Variants in PRKN observed in about 807,000 individuals in gnomAD.
PRKN encodes E3 ubiquitin-protein ligase parkin.
In PRKN, 56 loss-of-function variants were observed where a neutral mutation model predicts 59.5. The ratio of observed to expected loss-of-function variants is 0.94; its 90% CI spans 0.76 to 1.18. The LOEUF (loss-of-function observed/expected upper bound fraction) is 1.18. Ranked by LOEUF, PRKN falls within the 50% of genes most tolerant of loss-of-function variation. The probability of loss-of-function intolerance (pLI) is 0.00; values close to 1 mark genes in which losing one functional copy is unlikely to be tolerated. For missense variants in PRKN, 657 were observed against 596.4 expected (o/e 1.10, Z -1.06); for synonymous variants, 250 against 222.1 (o/e 1.13, Z -1.12).
rs1483643288 is a variant in PRKN at position 161,419,552 on chromosome 6, T to C, written c.1084-32675A>G. 6.6e-6 allele frequency among the ~76,000 whole-genome samples: 1 copy of C among 150,424 alleles called. No individual in the cohort carries two copies. Among genetic ancestry groups the C allele is most frequent in the African/African-American group, 2.4e-5 (1 of 40,842 alleles). On this transcript the variant is annotated intron_variant, in intron 9 of 11. Transcript: ENST00000366898. This position sits in a 1 kb window ranked among gnomAD's most constrained non-coding sequence, Gnocchi z 4.1. Reference sequence around the variant, plus strand: ...ACAGGTACACGCCACTGCGCCTGGCTAATTTTTGTATTTTTTTAAAAAACG... The same window carrying C: ...ACAGGTACACGCCACTGCGCCTGGCCAATTTTTGTATTTTTTTAAAAAACG...
At chr6:161,690,958 A>AATCCATCC (rs35211075) in intron 7 of PRKN, among the ~76,000 whole-genome samples, 11,061 of 145,736 alleles carry the variant, frequency 0.076, 565 homozygotes, top group East Asian at 0.22. Context: ...TCGATTGAAC[A>AATCCATCC]ATCCATCCAT....
chr6:161,573,757 TATATATATA>T lies in PRKN; in HGVS notation c.872-4350_872-4342del, dbSNP rs1298818000. Reference sequence around the variant, plus strand: ...AAAAAAAAAAAAAAAAAAAAAAAAATATATATATATATATATATATATATATATATATAT... The same window carrying T: ...AAAAAAAAAAAAAAAAAAAAAAAAATTATATATATATATATATATATATAT... On this transcript the variant is annotated intron_variant, in intron 7 of 11. Coordinates refer to ENST00000366898, the MANE Select transcript of PRKN (RefSeq NM_004562.3). Among the ~76,000 whole-genome samples, 280 of 44,940 alleles carry T rather than the reference TATATATATA, an allele frequency of 6.2e-3. 5 individuals are homozygous for T. The highest frequency in any genetic ancestry group is 9.0e-3 in the Non-Finnish European group (233 of 25,840). 29.5% of individuals were successfully genotyped at this position (44,940 alleles called of 152,430 possible).
intron 6 of PRKN, among the ~76,000 whole-genome samples, chr6:161,867,986 C>T (rs916104931): frequency 1.3e-5 from 2 of 151,824 alleles, no homozygotes; most frequent in African/African-American, 4.8e-5. Flanking sequence ...GTCTTGAACT[C>T]CTGACCTCAG....
intron 9 of PRKN, among the ~76,000 whole-genome samples, chr6:161,436,324 A>AGGGGGCG (rs1313092695): frequency 3.1e-5 from 2 of 64,574 alleles, no homozygotes; most frequent in African/African-American, 5.2e-5. Flanking sequence ...GGCAGAGAGG[A>AGGGGGCG]GGAGGCGGGA....
rs1483804037 is a variant in PRKN at position 161,959,710 on chromosome 6, A to G, written c.734+13592T>C. On this transcript the variant is annotated intron_variant, in intron 6 of 11. Transcript: ENST00000366898. ...AATGAATAAATGCCTCGTTTCTAAA[A>G]ATAACTATTTATGACATATATTTCC... Among the ~76,000 whole-genome samples, 2 of 152,194 alleles carry G rather than the reference A, an allele frequency of 1.3e-5. 1 individual carries two copies. Among genetic ancestry groups the G allele is most frequent in the Non-Finnish European group, 2.9e-5 (2 of 68,034 alleles).
chr6:161,547,382 T>C lies in PRKN; in HGVS notation c.1083+1472A>G, dbSNP rs1779833538. Among the ~76,000 whole-genome samples, 1 of 152,222 alleles carries C rather than the reference T, an allele frequency of 6.6e-6. No individual in the cohort carries two copies. The highest frequency in any genetic ancestry group is 2.4e-5 in the African/African-American group (1 of 41,450). ...TGATTTGCAGCTTAAGTATGTATGTTATTTACTTATAATTTACTTGTATAA... is the reference window on the plus strand; with the variant it reads ...TGATTTGCAGCTTAAGTATGTATGTCATTTACTTATAATTTACTTGTATAA... On this transcript the variant is annotated intron_variant, in intron 9 of 11. Transcript: ENST00000366898. The surrounding 1 kb of genome is among the most constrained non-coding windows in gnomAD (Gnocchi z 4.0).
At chr6:162,470,691 G>A (rs1247260438) in intron 1 of PRKN, among the ~76,000 whole-genome samples, 3 of 152,168 alleles carry the variant, frequency 2.0e-5, no homozygotes, top group Non-Finnish European at 2.9e-5. Flanking sequence ...GATACTTGGT[G>A]CTAGTTTGAG....
chr6:162,638,737 CCCTTT>C (rs1777845594), intron 1 of PRKN, among the ~76,000 whole-genome samples: 1 of 114,548 alleles, frequency 8.7e-6, no homozygotes, highest in South Asian at 2.8e-4. Flanking sequence ...TGCTAACTAT[CCCTTT>C]TTTTTTTTTT....
At position 161,518,195 on chromosome 6, in the gene PRKN, C is replaced by T. The variant is rs982974888; in HGVS notation, c.1083+30659G>A. On this transcript the variant is annotated intron_variant, in intron 9 of 11. Transcript: ENST00000366898. This position sits in a 1 kb window ranked among gnomAD's most constrained non-coding sequence, Gnocchi z 5.0. ...GGACAGTGACTCCACACCATGGGGC[C>T]GGGGAGGTGGCAACATAGGTGCATG... is the stretch of plus-strand genomic sequence containing the variant. Among the ~76,000 whole-genome samples the T allele has an allele frequency of 2.0e-5, 3 of 152,136 alleles. No individual in the cohort carries two copies. Among genetic ancestry groups the T allele is most frequent in the Admixed American group, 6.5e-5 (1 of 15,270 alleles).
intron 8 of PRKN, among the ~76,000 whole-genome samples, chr6:161,553,231 T>C (rs894930822): frequency 6.6e-6 from 1 of 151,724 alleles, no homozygotes; most frequent in African/African-American, 2.4e-5. Flanking sequence ...CCAGTCTTCA[T>C]TTTGCTGATT....
chr6:162,122,958 T>C (rs1780977392), intron 4 of PRKN, among the ~76,000 whole-genome samples: 1 of 151,168 alleles, frequency 6.6e-6, no homozygotes. Context: ...GGTTTAAATG[T>C]CTTCGTACCC....
At chr6:161,998,194 T>A (rs9295178) in intron 5 of PRKN, among the ~76,000 whole-genome samples, 72,452 of 151,826 alleles carry the variant, frequency 0.48, 17,507 homozygotes, top group East Asian at 0.6. Context: ...TATATCACTT[T>A]TGGATAGTCT....
chr6:162,481,186 T>C (rs778253113), intron 1 of PRKN, among the ~76,000 whole-genome samples: 4 of 152,110 alleles, frequency 2.6e-5, no homozygotes, highest in African/African-American at 4.8e-5. Context: ...GTCAGCTATA[T>C]GGAAAAGTGA....
chr6:162,103,928 C>T (rs191551157), intron 4 of PRKN, among the ~76,000 whole-genome samples: 38 of 152,266 alleles, frequency 2.5e-4, no homozygotes, highest in African/African-American at 7.5e-4. Context: ...CGGCCTTATA[C>T]GATTTAAGCT....
chr6:162,409,887 A>C (rs1788266476), intron 2 of PRKN, among the ~76,000 whole-genome samples: 1 of 152,208 alleles, frequency 6.6e-6, no homozygotes, highest in Admixed American at 6.5e-5. Flanking sequence ...GGAGCAGCGG[A>C]ATCAGTGTGA....
At chr6:162,400,456 T>TAA (rs750247669) in intron 2 of PRKN, among the ~76,000 whole-genome samples, 685 of 55,480 alleles carry the variant, frequency 0.012, 10 homozygotes, top group East Asian at 0.019. Flanking sequence ...CATGTAAATA[T>TAA]CAAAAAAAAA....
Position 161,499,169 on chromosome 6 carries a change from A to T in PRKN, c.1083+49685T>A, listed in dbSNP as rs1777866526. Among the ~76,000 whole-genome samples, 1 of 151,904 alleles carries T rather than the reference A, an allele frequency of 6.6e-6. No individual in the cohort carries two copies. Among genetic ancestry groups the T allele is most frequent in the Admixed American group, 6.6e-5 (1 of 15,266 alleles). On this transcript the variant is annotated intron_variant, in intron 9 of 11. Coordinates refer to ENST00000366898, the MANE Select transcript of PRKN (RefSeq NM_004562.3). This position sits in a 1 kb window ranked among gnomAD's most constrained non-coding sequence, Gnocchi z 4.2. ...TTTTTGGCTCACAGAGTGCTTGAAA[A>T]GAATCTAAGACAACATTTACAGATT...
rs149311111 is a variant in PRKN, at chr6:162,157,579, A to G, written c.534+43552T>C. 1.4e-3 allele frequency among the ~76,000 whole-genome samples: 218 copies of G among 150,994 alleles called. 3 individuals are homozygous for G. Among genetic ancestry groups the G allele is most frequent in the African/African-American group, 5.2e-3 (208 of 40,284 alleles). On this transcript the variant is annotated intron_variant, in intron 4 of 11. Transcript: ENST00000366898. ...TGCTTCTGCACATAAAAGGCACTCT[A>G]AAGGAAATGCAATTAATACAGGGGA...
At chr6:162,043,942 G>A (rs1213796572) in intron 5 of PRKN, among the ~76,000 whole-genome samples, 1 of 152,164 alleles carries the variant, frequency 6.6e-6, no homozygotes, top group East Asian at 1.9e-4. Flanking sequence ...ACCACCAGAT[G>A]GCTGATCTTA....
Sources: gnomAD v4.1 joint callset for allele counts (sites outside exome capture counted in the v4.1 genomes callset) on GRCh38, gnomAD v4.1.1 for gene constraint, Gnocchi (gnomAD v3.1) non-coding constraint, MANE v1.5 for transcripts, NCBI Gene and HGNC (gene_info 2026-07-23, HGNC 2026-07-21) for gene names.